KIAA1217: variants seen among roughly 807,000 people sequenced by gnomAD.
KIAA1217 encodes the protein KIAA1217, also known as sickle tail protein homolog.
A neutral mutation model predicts 163.9 loss-of-function variants in KIAA1217; 88 were observed. The ratio of observed to expected loss-of-function variants is 0.54; its 90% confidence interval spans 0.45 to 0.64. The LOEUF is 0.64. Among genes scored for constraint, KIAA1217 ranks in the 30% least tolerant of loss-of-function variants. The pLI is 0.00. For synonymous variants in KIAA1217, 903 were observed against 923.1 expected, an observed-to-expected ratio of 0.98 and a Z score of 0.39; for missense variants, 2,372 against 2,475.0, an observed-to-expected ratio of 0.96 and a Z score of 0.88.
At chr10:24,049,333 C>G (rs1407615922) in intron 2 of KIAA1217, among the ~76,000 whole-genome samples, 2 of 152,150 alleles carry the variant, frequency 1.3e-5, no homozygotes, top group Non-Finnish European at 2.9e-5. Context: ...AGAGAATTAA[C>G]AGTCTCCGAG....
chr10:23,874,152 C>T lies in KIAA1217; in HGVS notation c.-320-133073C>T, dbSNP rs897009227. Among the ~76,000 whole-genome samples, 5 of 151,970 alleles carry T rather than the reference C, an allele frequency of 3.3e-5. No individual in the cohort carries two copies. The East Asian group carries it at 9.7e-4, about 30-fold the overall frequency. ...TTTGTTTTTATCCTGACATTCACCC[C>T]TCATGGTTAGCTATCACACCTCCAG... On this transcript the variant is annotated intron_variant, in intron 1 of 18. Transcript: ENST00000376462.
chr10:24,209,107 GC>G, upstream of KIAA1217: 1 of 1,158,470 alleles, frequency 8.6e-7, no homozygotes, highest in Non-Finnish European at 1.3e-6. Context: ...CCAGCCCCGG[GC>G]CCCCTCCCAG....
intron 1 of KIAA1217, among the ~76,000 whole-genome samples, chr10:23,969,418 A>C (rs764840440): frequency 5.3e-5 from 8 of 152,216 alleles, no homozygotes; most frequent in African/African-American, 9.6e-5. Context: ...ATCACAATGC[A>C]TGAGGGTTCT....
intron 2 of KIAA1217, among the ~76,000 whole-genome samples, chr10:24,066,126 C>A (rs2060934785): frequency 6.6e-6 from 1 of 152,154 alleles, no homozygotes; most frequent in Admixed American, 6.6e-5. Context: ...TTAATTGGAG[C>A]ATTTAGCCCA....
At chr10:24,052,210 G>T (rs1344481279) in intron 2 of KIAA1217, among the ~76,000 whole-genome samples, 2 of 152,054 alleles carry the variant, frequency 1.3e-5, no homozygotes, top group Non-Finnish European at 2.9e-5. Flanking sequence ...TATAATCAGG[G>T]ATCCTTTAAT....
chr10:23,934,583 A>G (rs374077770), intron 1 of KIAA1217, among the ~76,000 whole-genome samples: 7,244 of 62,556 alleles, frequency 0.12, 920 homozygotes, highest in African/African-American at 0.34. Context: ...ATATATATAT[A>G]TATATATGTA....
chr10:24,452,607 G>A (rs1022389311), intron 5 of KIAA1217, among the ~76,000 whole-genome samples: 6 of 150,402 alleles, frequency 4.0e-5, no homozygotes, highest in African/African-American at 9.8e-5. Flanking sequence ...GGGTGAACCC[G>A]GGAGTTTGAG....
chr10:23,720,451 A>G (rs1488474428), intron 1 of KIAA1217, among the ~76,000 whole-genome samples: 3 of 152,208 alleles, frequency 2.0e-5, no homozygotes, highest in East Asian at 3.9e-4. Flanking sequence ...GAGGATTTTT[A>G]AAAGAAATCT....
At chr10:24,292,677 A>G (rs1327021959) in intron 2 of KIAA1217, among the ~76,000 whole-genome samples, 1 of 152,186 alleles carries the variant, frequency 6.6e-6, no homozygotes, top group East Asian at 1.9e-4. Flanking sequence ...GGAGAAACCC[A>G]TTGCTCTGCT....
chr10:23,837,974 T>C (rs1838571863), intron 1 of KIAA1217, among the ~76,000 whole-genome samples: 1 of 152,176 alleles, frequency 6.6e-6, no homozygotes, highest in Non-Finnish European at 1.5e-5. Context: ...ACCCATTCCT[T>C]CAACAAAACT....
chr10:23,719,843 G>A (rs1197820088), intron 1 of KIAA1217, among the ~76,000 whole-genome samples: 4 of 151,942 alleles, frequency 2.6e-5, no homozygotes, highest in Non-Finnish European at 4.4e-5. Flanking sequence ...GAACCTGGGA[G>A]GTGGAGGTTG....
chr10:24,082,869 A>G (rs1244625597), intron 2 of KIAA1217, among the ~76,000 whole-genome samples: 1 of 152,224 alleles, frequency 6.6e-6, no homozygotes, highest in Non-Finnish European at 1.5e-5. Context: ...CCAACAGTGT[A>G]AAAGTGTTCC....
chr10:24,388,337 G>A lies in KIAA1217; in HGVS notation c.553+7270G>A, dbSNP rs184723501. Among the ~76,000 whole-genome samples, 393 of 152,280 alleles carry A rather than the reference G, an allele frequency of 2.6e-3. 1 individual carries two copies. Among genetic ancestry groups the A allele is most frequent in the African/African-American group, 8.3e-3 (344 of 41,558 alleles). On this transcript the variant is annotated intron_variant, in intron 3 of 20. Transcript: ENST00000376454. ...CCCTATTTATTTAATAAATGGTGCC[G>A]GGAAAACTGGCTAGCCATATGTGGA...
chr10:23,769,354 T>C (rs913758279), intron 1 of KIAA1217, among the ~76,000 whole-genome samples: 7 of 152,124 alleles, frequency 4.6e-5, no homozygotes, highest in Non-Finnish European at 7.4e-5. Context: ...CAGGCACTGA[T>C]CTTAGGCTTT....
intron 10 of KIAA1217, among the ~76,000 whole-genome samples, chr10:24,519,747 C>T (rs892852274): frequency 2.7e-5 from 4 of 150,554 alleles, no homozygotes; most frequent in Non-Finnish European, 5.9e-5. Context: ...GTCGGTCTCC[C>T]TCTCTCTCTC....
intron 3 of KIAA1217, among the ~76,000 whole-genome samples, chr10:24,398,908 T>C (rs974051183): frequency 4.6e-5 from 7 of 152,196 alleles, no homozygotes; most frequent in Admixed American, 1.3e-4. Context: ...TTTTTATTTA[T>C]AGGGAAACTG....
chr10:24,150,915 G>A (rs531458394), intron 2 of KIAA1217, among the ~76,000 whole-genome samples: 1 of 152,240 alleles, frequency 6.6e-6, no homozygotes, highest in East Asian at 1.9e-4. Flanking sequence ...CATGCTCCTG[G>A]CTGTCATTCT....
chr10:23,714,164 C>CTTCCTAA (rs1183073335), intron 1 of KIAA1217, among the ~76,000 whole-genome samples: 9 of 152,118 alleles, frequency 5.9e-5, no homozygotes, highest in African/African-American at 2.2e-4. Flanking sequence ...CTTCTAAATA[C>CTTCCTAA]ATATTTCCCC....
chr10:24,367,230 C>G, intron 2 of KIAA1217: 17 of 858,244 alleles, frequency 2.0e-5, no homozygotes, highest in Non-Finnish European at 2.4e-5. Context: ...TTTTCTGCAT[C>G]GAGTTGCACC....
Sources: gnomAD v4.1 joint callset for allele counts (sites outside exome capture counted in the v4.1 genomes callset) on GRCh38, gnomAD v4.1.1 for gene constraint, MANE v1.5 for transcripts, NCBI Gene and HGNC (gene_info 2026-07-23, HGNC 2026-07-21) for gene names.